Variants in COL25A1 observed in about 807,000 individuals in gnomAD.
COL25A1 encodes the protein collagen type XXV alpha 1 chain, also known as collagen alpha-1(XXV) chain.
Under a neutral mutation model 128.4 loss-of-function variants are expected in COL25A1, and 103 were observed. The ratio of observed to expected loss-of-function variants is 0.80; its 90% CI spans 0.68 to 0.94. The LOEUF is 0.94. COL25A1 is among the 40% of genes least tolerant of loss of function. The pLI, the probability that COL25A1 is intolerant of heterozygous loss-of-function variation, is 0.00. For synonymous variants in COL25A1, 279 were observed against 277.2 expected, an observed-to-expected ratio of 1.01 and a Z score of -0.06; for missense variants, 745 against 840.0, an observed-to-expected ratio of 0.89 and a Z score of 1.40.
chr4:109,011,139 T>C (rs1756541174), intron 5 of COL25A1, among the ~76,000 whole-genome samples: 1 of 152,202 alleles, frequency 6.6e-6, no homozygotes, highest in Admixed American at 6.5e-5. Flanking sequence ...CATATCACCT[T>C]CTTAAAATCT....
intron 3 of COL25A1, among the ~76,000 whole-genome samples, chr4:109,229,769 G>A (rs1343496598): frequency 6.6e-6 from 1 of 152,168 alleles, no homozygotes; most frequent in Non-Finnish European, 1.5e-5. Flanking sequence ...CATGTCTGAC[G>A]ATGGCTGTGC....
At chr4:109,028,529 A>T (rs1172790147) in intron 5 of COL25A1, among the ~76,000 whole-genome samples, 2 of 152,260 alleles carry the variant, frequency 1.3e-5, no homozygotes, top group East Asian at 3.9e-4. Flanking sequence ...GATCAAGACC[A>T]TCCTGGCCAA....
chr4:109,097,438 A>T, intron 3 of COL25A1, among the ~76,000 whole-genome samples: 1 of 79,666 alleles, frequency 1.3e-5, no homozygotes, highest in South Asian at 4.4e-4. Flanking sequence ...AACCCTGTCT[A>T]AAAAAAAAAA....
Position 108,869,167 on chromosome 4 carries a change from A to T in COL25A1, c.1021-17T>A. ...TGGTTCTCCCTTTAAAAACATGGGC[A>T]TATGAGATCATTAATCATTTGACAA... is the stretch of plus-strand genomic sequence containing the variant. On this transcript the variant is annotated splice_polypyrimidine_tract_variant and intron_variant, in intron 19 of 37. Coordinates refer to ENST00000399132, the MANE Select transcript of COL25A1 (RefSeq NM_198721.4). The T allele has an allele frequency of 7.8e-7, 1 of 1,274,548 alleles. No homozygotes were observed. Among genetic ancestry groups the T allele is most frequent in the Non-Finnish European group, 1.1e-6 (1 of 916,090 alleles). The allele number at this position is 1,274,548 out of a possible 1,614,324, so 79.0% of individuals were successfully genotyped here. A position where few individuals can be genotyped will look rare whatever the true frequency, so the allele number is the denominator to read the frequency against.
rs780241705 is a variant in COL25A1 at position 108,827,150 on chromosome 4, C to T, written c.1749G>A (p.Gly583=). The change falls in exon 33 of 38, where the codon GGG becomes GGA. Residue 583 remains glycine (G), a synonymous_variant. Transcript: ENST00000399132. ...AGGAACTCACAGGCAGCCCATAGGG[C>T]CCTCTTGGTCCAGGCTCTCCCATAG... ...KGAMGEPGPR[G]PYGLPGKDGE... 1.0e-4 allele frequency: 166 copies of T among 1,613,848 alleles called. 1 individual carries two copies. In the South Asian group the frequency reaches 1.6e-3, roughly 16 times the overall value.
intron 26 of COL25A1, 84 bp downstream of exon 26, chr4:108,852,152 G>T: frequency 9.3e-7 from 1 of 1,074,736 alleles, no homozygotes; most frequent in Non-Finnish European, 1.4e-6. Flanking sequence ...CATTTTGTAA[G>T]ACTGATTTTC....
chr4:108,921,092 A>T (rs1745444375), intron 11 of COL25A1: 1 of 154,322 alleles, frequency 6.5e-6, no homozygotes, highest in Admixed American at 6.5e-5. Flanking sequence ...TCTTCCTCTT[A>T]GGAAATATGG....
intron 6 of COL25A1, among the ~76,000 whole-genome samples, chr4:108,988,619 C>T (rs1753874503): frequency 6.6e-6 from 1 of 152,216 alleles, no homozygotes; most frequent in Non-Finnish European, 1.5e-5. Flanking sequence ...TTTCCCTCCT[C>T]CCTGTGACTT....
chr4:108,867,125 T>C (rs1163617107), intron 20 of COL25A1, among the ~76,000 whole-genome samples: 3 of 152,210 alleles, frequency 2.0e-5, no homozygotes, highest in African/African-American at 7.2e-5. Context: ...TAGTTTAAAA[T>C]CAGGAAACTA....
At chr4:109,295,567 T>C (rs1284217416) in intron 3 of COL25A1, among the ~76,000 whole-genome samples, 1 of 152,084 alleles carries the variant, frequency 6.6e-6, no homozygotes, top group Non-Finnish European at 1.5e-5. Flanking sequence ...CCATAGATTG[T>C]GCAGTGTTAA....
chr4:108,888,548 G>A lies in COL25A1; in HGVS notation c.975+673C>T, dbSNP rs115021027. 9.6e-3 allele frequency among the ~76,000 whole-genome samples: 1,460 copies of A among 152,274 alleles called. 13 individuals are homozygous for A. Among genetic ancestry groups the A allele is most frequent in the Non-Finnish European group, 0.014 (927 of 68,008 alleles). Reference sequence around the variant, plus strand: ...TGTGTTTCCTGTTTCAGACTCAAATGAGAGTATGAATCTAAACATATTCAC... The same window carrying A: ...TGTGTTTCCTGTTTCAGACTCAAATAAGAGTATGAATCTAAACATATTCAC... On this transcript the variant is annotated intron_variant, in intron 18 of 37. Coordinates refer to ENST00000399132, the MANE Select transcript of COL25A1 (RefSeq NM_198721.4).
rs749769432 is a variant in COL25A1, at chr4:108,844,516, T to TA, written c.1629+2dup. 2.4e-5 allele frequency: 38 copies of TA among 1,613,990 alleles called. No individual in the cohort carries two copies. The highest frequency in any genetic ancestry group is 2.8e-5 in the Non-Finnish European group (33 of 1,179,986). On this transcript the variant is annotated splice_region_variant and intron_variant, in intron 30 of 37. Transcript: ENST00000399132. The stretch of plus-strand genomic sequence containing the variant: ...TTACATTTCAGAAAGAAGGGAAACT[T>TA]ACCATGGGGCCAGGTGGGCCATGGG...
chr4:109,247,829 A>T (rs2126239120), intron 3 of COL25A1, among the ~76,000 whole-genome samples: 1 of 152,312 alleles, frequency 6.6e-6, no homozygotes, highest in Middle Eastern at 3.4e-3. Flanking sequence ...GGAAGAATAC[A>T]GAAACATAAG....
intron 8 of COL25A1, among the ~76,000 whole-genome samples, chr4:108,969,357 T>C (rs1272349656): frequency 6.6e-6 from 1 of 152,180 alleles, no homozygotes; most frequent in Non-Finnish European, 1.5e-5. Context: ...CCTGCTGATA[T>C]ACGCCTAGAT....
At chr4:109,101,788 G>T (rs1765916797) in intron 3 of COL25A1, among the ~76,000 whole-genome samples, 1 of 152,282 alleles carries the variant, frequency 6.6e-6, no homozygotes, top group Non-Finnish European at 1.5e-5. Flanking sequence ...GTCTCTTTCA[G>T]AAAGCAAAGA....
chr4:108,966,762 GAT>G (rs1491479812), intron 8 of COL25A1, among the ~76,000 whole-genome samples: 1 of 151,848 alleles, frequency 6.6e-6, no homozygotes, highest in African/African-American at 2.4e-5. Flanking sequence ...GAGGCAGGAG[GAT>G]CACCTGAGCC....
chr4:109,007,551 TTCCTC>T (rs5860960), intron 6 of COL25A1, among the ~76,000 whole-genome samples: 34,469 of 151,952 alleles, frequency 0.23, 6,118 homozygotes, highest in African/African-American at 0.5. Context: ...ATACCTATCC[TTCCTC>T]AATTTATTGA....
chr4:108,915,954 G>A (rs974175812), intron 13 of COL25A1, among the ~76,000 whole-genome samples: 1 of 152,174 alleles, frequency 6.6e-6, no homozygotes, highest in East Asian at 1.9e-4. Flanking sequence ...CAAGAAATTT[G>A]TTTAAAAACA....
chr4:108,813,929 A>G lies in COL25A1; in HGVS notation c.1963T>C (p.Ter655ArgextTer1). 1 of 1,592,794 alleles carries G rather than the reference A, an allele frequency of 6.3e-7. No homozygotes were observed. Among genetic ancestry groups the G allele is most frequent in the Non-Finnish European group, 8.6e-7 (1 of 1,162,234 alleles). The change falls in exon 38 of 38, where the codon TGA (stop) becomes CGA (arginine). Residue 655 changes from the stop codon to arginine, a stop_lost and splice_region_variant. Coordinates refer to ENST00000399132, the MANE Select transcript of COL25A1 (RefSeq NM_198721.4). ...GLPMPGCWQK* is the reference protein window; with the variant it reads ...GLPMPGCWQKR ...TCATGCTTGAAAGGTTAGATTCATC[A>G]CTGCAGAAAAAGACAACAAAAAGAC...
Sources: allele counts gnomAD v4.1 joint callset (sites outside exome capture counted in the v4.1 genomes callset), GRCh38; gene constraint gnomAD v4.1.1; transcripts MANE v1.5; gene names NCBI Gene and HGNC (gene_info 2026-07-23, HGNC 2026-07-21).